The following PCDH7 variants were observed in gnomAD, a reference collection of about 807,000 sequenced individuals.
PCDH7 encodes protocadherin 7, also known as protocadherin-7.
In PCDH7, 17 loss-of-function variants were observed where a neutral mutation model predicts 58.9. The ratio of observed to expected loss-of-function variants is 0.29; its 90% confidence interval spans 0.20 to 0.43. PCDH7 has a LOEUF of 0.43. Ranked by LOEUF, PCDH7 falls within the 20% of genes least tolerant of loss-of-function variation. PCDH7 has a pLI of 1.00. For missense variants in PCDH7, 1,274 were observed against 1,441.0 expected, an observed-to-expected ratio of 0.88 and a Z score of 1.88; for synonymous variants, 664 against 616.4, an observed-to-expected ratio of 1.08 and a Z score of -1.14.
At chr4:30,816,991 A>G (rs769182900) in intron 1 of PCDH7, among the ~76,000 whole-genome samples, 6 of 152,310 alleles carry the variant, frequency 3.9e-5, no homozygotes, top group Admixed American at 2.0e-4. Flanking sequence ...GCGAGCACAT[A>G]GAGAGTACAG....
chr4:30,948,289 CAAAA>C (rs751763592), intron 2 of PCDH7, among the ~76,000 whole-genome samples: 1 of 113,520 alleles, frequency 8.8e-6, no homozygotes, highest in African/African-American at 3.2e-5. Context: ...AACTCATATG[CAAAA>C]AAAAAAAAAA....
intron 1 of PCDH7, among the ~76,000 whole-genome samples, chr4:30,779,948 C>T (rs991712820): frequency 5.3e-5 from 8 of 152,210 alleles, no homozygotes; most frequent in African/African-American, 1.9e-4. Flanking sequence ...CACATGAATA[C>T]CAGCCAATAC....
intron 2 of PCDH7, among the ~76,000 whole-genome samples, chr4:30,938,637 C>T (rs1284679148): frequency 6.6e-6 from 1 of 152,000 alleles, no homozygotes; most frequent in Non-Finnish European, 1.5e-5. Flanking sequence ...AAATTAAAAT[C>T]AATTGTTTCA....
intron 1 of PCDH7, among the ~76,000 whole-genome samples, chr4:30,766,820 G>A (rs1720814465): frequency 6.6e-6 from 1 of 151,908 alleles, no homozygotes; most frequent in Admixed American, 6.6e-5. Context: ...TTGTATTATA[G>A]TTACTGTCAT....
At chr4:30,974,666 A>G (rs1231677339) in intron 3 of PCDH7, among the ~76,000 whole-genome samples, 1 of 152,162 alleles carries the variant, frequency 6.6e-6, no homozygotes, top group Non-Finnish European at 1.5e-5. Flanking sequence ...CACGTAAGGT[A>G]ATATTTTATA....
At chr4:31,107,017 G>T (rs1224796083) in intron 3 of PCDH7, among the ~76,000 whole-genome samples, 4 of 152,034 alleles carry the variant, frequency 2.6e-5, no homozygotes. Flanking sequence ...TTTGCTTAAG[G>T]TAACTACTCA....
chr4:30,907,472 T>C (rs1424855820), intron 1 of PCDH7, among the ~76,000 whole-genome samples: 1 of 152,196 alleles, frequency 6.6e-6, no homozygotes, highest in Non-Finnish European at 1.5e-5. Flanking sequence ...AAAGAAGACA[T>C]TTACTCAGCC....
chr4:30,734,664 G>A (rs928971774), downstream of PCDH7, among the ~76,000 whole-genome samples: 2 of 152,316 alleles, frequency 1.3e-5, no homozygotes, highest in East Asian at 1.9e-4. Context: ...GAGACATGAA[G>A]CTCAGAGGGA....
intron 3 of PCDH7, among the ~76,000 whole-genome samples, chr4:31,087,291 C>T (rs564452451): frequency 1.3e-4 from 20 of 151,882 alleles, no homozygotes; most frequent in Non-Finnish European, 2.5e-4. Context: ...TCATTGTGTT[C>T]CCTGTCATTC....
intron 3 of PCDH7, among the ~76,000 whole-genome samples, chr4:30,991,722 G>T (rs911433199): frequency 1.3e-5 from 2 of 152,028 alleles, no homozygotes; most frequent in East Asian, 3.9e-4. Flanking sequence ...GGTAATTCTA[G>T]ATTATTTTTC....
chr4:31,098,354 A>G (rs1389235293), intron 3 of PCDH7, among the ~76,000 whole-genome samples: 1 of 152,216 alleles, frequency 6.6e-6, no homozygotes, highest in Non-Finnish European at 1.5e-5. Flanking sequence ...CATATTAATA[A>G]AAAGGATTAT....
chr4:31,093,545 C>A (rs1056020958), intron 3 of PCDH7, among the ~76,000 whole-genome samples: 1 of 151,974 alleles, frequency 6.6e-6, no homozygotes, highest in Admixed American at 6.6e-5. Flanking sequence ...TTTTCTACAG[C>A]CTTATTTTGA....
intron 1 of PCDH7, among the ~76,000 whole-genome samples, chr4:30,903,456 T>A (rs1370029945): frequency 6.6e-6 from 1 of 152,094 alleles, no homozygotes; most frequent in South Asian, 2.1e-4. Flanking sequence ...TTCCTGGATT[T>A]TTTTTTTGTC....
Position 30,722,202 on chromosome 4 carries a change from G to T in PCDH7, c.780G>T (p.Leu260=). The change falls in exon 1 of 2, where the codon CTG becomes CTT. Residue 260 remains leucine, a synonymous_variant. Transcript: ENST00000361762. This position sits in a 1 kb window ranked among gnomAD's most constrained non-coding sequence, Gnocchi z 7.6. ...CGGACGGCGAGAAGCAGCCGCAGCT[G>T]ATCGTGAAGGGGGCGCTGGACCGCG... 1 of 1,583,346 alleles carries T rather than the reference G, an allele frequency of 6.3e-7. No individual in the cohort carries two copies. Among genetic ancestry groups the T allele is most frequent in the Non-Finnish European group, 8.6e-7 (1 of 1,165,284 alleles).
At chr4:31,090,305 T>A (rs373085014) in intron 3 of PCDH7, among the ~76,000 whole-genome samples, 7 of 152,114 alleles carry the variant, frequency 4.6e-5, no homozygotes, top group East Asian at 1.9e-4. Flanking sequence ...ATAGTAGATG[T>A]ATACATTTAT....
At chr4:30,864,013 T>A (rs961701133) in intron 1 of PCDH7, among the ~76,000 whole-genome samples, 2 of 152,116 alleles carry the variant, frequency 1.3e-5, no homozygotes, top group African/African-American at 4.8e-5. Flanking sequence ...AAGAATTCAC[T>A]GTAATTACTT....
At chr4:30,738,963 A>T (rs1716685377) in intron 1 of PCDH7, among the ~76,000 whole-genome samples, 1 of 151,906 alleles carries the variant, frequency 6.6e-6, no homozygotes, top group African/African-American at 2.4e-5. Flanking sequence ...ACTCTTCACG[A>T]TTATTATGTA....
At chr4:30,814,465 T>A (rs1159617990) in intron 1 of PCDH7, among the ~76,000 whole-genome samples, 2 of 152,142 alleles carry the variant, frequency 1.3e-5, no homozygotes, top group African/African-American at 4.8e-5. Flanking sequence ...AAAACCATAT[T>A]AAATGCAGTA....
chr4:31,060,164 C>T (rs973319875), intron 3 of PCDH7, among the ~76,000 whole-genome samples: 1 of 151,668 alleles, frequency 6.6e-6, no homozygotes, highest in Non-Finnish European at 1.5e-5. Flanking sequence ...GCTCATTTTT[C>T]CTTTGCTCTT....
Sources: allele counts gnomAD v4.1 joint callset (sites outside exome capture counted in the v4.1 genomes callset), GRCh38; gene constraint gnomAD v4.1.1; non-coding constraint Gnocchi (gnomAD v3.1); transcripts MANE v1.5; gene names NCBI Gene and HGNC (gene_info 2026-07-23, HGNC 2026-07-21).